USE1: variants seen among roughly 807,000 people sequenced by gnomAD.
USE1 encodes unconventional SNARE in the ER 1.
In USE1, 32 loss-of-function variants were observed where a neutral mutation model predicts 37.6. The ratio of observed to expected loss-of-function variants is 0.85; its 90% CI spans 0.64 to 1.14. The LOEUF (loss-of-function observed/expected upper bound fraction) is 1.14. Among genes scored for constraint, USE1 ranks in the 50% most tolerant of loss-of-function variants. USE1 has a pLI of 0.00. For synonymous variants in USE1, 149 were observed against 137.6 expected (o/e 1.08, Z -0.58); for missense variants, 310 against 332.2 (o/e 0.93, Z 0.52).
intron 7 of USE1, 108 bp downstream of exon 7, chr19:17,219,495 T>C (rs2073312277): frequency 7.0e-7 from 1 of 1,438,466 alleles, no homozygotes. Context: ...AGGAGTTTCG[T>C]AGAAGGCAAA....
intron 5 of USE1, chr19:17,218,028 G>C: frequency 2.8e-6 from 1 of 358,032 alleles, no homozygotes; most frequent in South Asian, 2.4e-5. Context: ...AGGTTGCAGT[G>C]AGCTGAGATT....
In USE1 at chr19:17,215,427, C is replaced by A; in HGVS notation, c.22C>A (p.Leu8Ile). Reference sequence around the variant, plus strand: ...GATAATGGCGGCGTCGAGGCTGGAGCTAAACCTGGTGCGGCTGCTATCCCG... The same window carrying A: ...GATAATGGCGGCGTCGAGGCTGGAGATAAACCTGGTGCGGCTGCTATCCCG... Reference protein sequence around the residue: MAASRLELNLVRLLSRCE... With the variant: MAASRLEINLVRLLSRCE... Residue 8 changes from leucine (L) to isoleucine (I), a missense_variant, in exon 1 of 8, where the codon CTA (leucine) becomes ATA (isoleucine). Physicochemically the swap from Leu to Ile is conservative, Grantham distance 5. Coordinates refer to ENST00000263897, the MANE Select transcript of USE1 (RefSeq NM_018467.4). 1 of 1,561,264 alleles carries A rather than the reference C, an allele frequency of 6.4e-7. No individual in the cohort carries two copies. The highest frequency in any genetic ancestry group is 8.7e-7 in the Non-Finnish European group (1 of 1,154,184).
chr19:17,219,184 T>C (rs746321245), intron 6 of USE1, 29 bp from the exon 7 acceptor site: 1 of 1,597,214 alleles, frequency 6.3e-7, no homozygotes, highest in East Asian at 2.2e-5. Flanking sequence ...CCATCTCTCA[T>C]GTCCTCCTCC....
At chr19:17,218,490 AG>A in intron 6 of USE1, 99 bp downstream of exon 6, 2 of 1,525,350 alleles carry the variant, frequency 1.3e-6, no homozygotes, top group South Asian at 2.3e-5. Context: ...CACTACCACA[AG>A]GATCTAAACC....
intron 1 of USE1, 102 bp from the exon 2 acceptor site, chr19:17,215,700 C>T (rs1194314831): frequency 4.4e-6 from 5 of 1,127,574 alleles, no homozygotes; most frequent in Non-Finnish European, 5.1e-6. Context: ...GGCCCCGCCT[C>T]CTTTACGCTT....
rs1474397911 is a variant in USE1, at chr19:17,219,819, C to A, written c.*6C>A. 6.3e-7 allele frequency: 1 copy of A among 1,577,130 alleles called. No homozygotes were observed. Among genetic ancestry groups the A allele is most frequent in the Non-Finnish European group, 8.6e-7 (1 of 1,159,748 alleles). On this transcript the variant is annotated 3_prime_UTR_variant, in exon 8 of 8. Coordinates refer to ENST00000263897, the MANE Select transcript of USE1 (RefSeq NM_018467.4). ...TCATGCCTAAACTCAAATAAAGACC[C>A]CCGCCCACCTTGTCTGTCTTCCGTC...
intron 1 of USE1, 122 bp downstream of exon 1, chr19:17,215,629 G>C (rs982975076): frequency 1.8e-5 from 25 of 1,353,648 alleles, no homozygotes; most frequent in Admixed American, 1.0e-4. Context: ...TTTCCGGTCA[G>C]TCCCGCCACG....
intron 4 of USE1, 54 bp downstream of exon 4, chr19:17,216,375 A>T (rs753871124): frequency 1.3e-6 from 2 of 1,586,320 alleles, no homozygotes; most frequent in Admixed American, 1.7e-5. Context: ...TAGGGGTTCT[A>T]TGCTTGTAGG....
rs568959080 is a variant in USE1, at chr19:17,219,399, G to C, written c.597+12G>C. Reference sequence around the variant, plus strand: ...AGAAGGACAACCAGGTGTGGGGACTGGGGGAGCTCTCCAGCCTCTGCCCTG... The same window carrying C: ...AGAAGGACAACCAGGTGTGGGGACTCGGGGAGCTCTCCAGCCTCTGCCCTG... On this transcript the variant is annotated intron_variant, in intron 7 of 7. Coordinates refer to ENST00000263897, the MANE Select transcript of USE1 (RefSeq NM_018467.4). 3 of 1,548,898 alleles carry C rather than the reference G, an allele frequency of 1.9e-6. No homozygotes were observed. The highest frequency in any genetic ancestry group is 2.4e-5 in the South Asian group (2 of 84,200).
chr19:17,219,499 A>C, intron 7 of USE1, 112 bp downstream of exon 7: 1 of 1,437,396 alleles, frequency 7.0e-7, no homozygotes, highest in South Asian at 1.4e-5. Flanking sequence ...GTTTCGTAGA[A>C]GGCAAAAATG....
rs1599438900 is a variant in USE1 at position 17,216,151 on chromosome 19, C to T, written c.232-18C>T. 2 of 1,613,216 alleles carry T rather than the reference C, an allele frequency of 1.2e-6. No homozygotes were observed. Among genetic ancestry groups the T allele is most frequent in the Non-Finnish European group, 1.7e-6 (2 of 1,179,708 alleles). ...AGGACCTGCCCCTCCAGTGACTTAT[C>T]TTCCCACATTTCTGCAGACCTCCTC... On this transcript the variant is annotated intron_variant, in intron 3 of 7. Coordinates refer to ENST00000263897, the MANE Select transcript of USE1 (RefSeq NM_018467.4).
At chr19:17,215,699 T>A in intron 1 of USE1, 103 bp from the exon 2 acceptor site, 2 of 457,938 alleles carry the variant, frequency 4.4e-6, no homozygotes, top group Non-Finnish European at 6.3e-6. Context: ...TGGCCCCGCC[T>A]CCTTTACGCT....
At chr19:17,217,773 G>A in intron 5 of USE1, 1 of 433,064 alleles carries the variant, frequency 2.3e-6, no homozygotes, top group South Asian at 1.7e-5. Flanking sequence ...TTAGCCGGAT[G>A]CAGTGCCACG....
intron 5 of USE1, 66 bp from the exon 6 acceptor site, chr19:17,218,298 A>G (rs568313570): frequency 3.5e-5 from 56 of 1,607,482 alleles, no homozygotes; most frequent in South Asian, 5.5e-5. Flanking sequence ...AGCACAGGCA[A>G]TGCTCAGGAT....
chr19:17,218,354 T>G lies in USE1; in HGVS notation c.395-10T>G, dbSNP rs1234445385. ...ACTCGCCTTTTTTGCTTGGCCTGTTTTGCTTTCAGAGCCTGAGATGGACGT... is the reference window on the plus strand; with the variant it reads ...ACTCGCCTTTTTTGCTTGGCCTGTTGTGCTTTCAGAGCCTGAGATGGACGT... On this transcript the variant is annotated splice_polypyrimidine_tract_variant and intron_variant, in intron 5 of 7. Coordinates refer to ENST00000263897, the MANE Select transcript of USE1 (RefSeq NM_018467.4). 6.2e-7 allele frequency: 1 copy of G among 1,613,376 alleles called. No individual in the cohort carries two copies. Among genetic ancestry groups the G allele is most frequent in the African/African-American group, 1.3e-5 (1 of 74,834 alleles).
At chr19:17,216,492 G>A (rs1218172822) in intron 4 of USE1, among the ~76,000 whole-genome samples, 171 bp downstream of exon 4, 1 of 152,186 alleles carries the variant, frequency 6.6e-6, no homozygotes, top group African/African-American at 2.4e-5. Flanking sequence ...TTGTGGCTAA[G>A]GCTTTGCTAG....
intron 6 of USE1, 63 bp downstream of exon 6, chr19:17,218,454 A>G (rs2073303938): frequency 6.2e-6 from 10 of 1,607,242 alleles, no homozygotes; most frequent in Non-Finnish European, 8.5e-6. Context: ...ACGGGGTAGC[A>G]GTGGCCAAAC....
chr19:17,215,799 C>T lies in USE1; in HGVS notation c.103-3C>T, dbSNP rs775091783. On this transcript the variant is annotated splice_region_variant and splice_polypyrimidine_tract_variant and intron_variant, in intron 1 of 7. Coordinates refer to ENST00000263897, the MANE Select transcript of USE1 (RefSeq NM_018467.4). ...CGGGTGACAATCCACTTTTCCTCCCCAGTACGTGGGAGCCCTAGAGGACAT... is the reference window on the plus strand; with the variant it reads ...CGGGTGACAATCCACTTTTCCTCCCTAGTACGTGGGAGCCCTAGAGGACAT... The T allele has an allele frequency of 6.2e-7, 1 of 1,610,062 alleles. No homozygotes were observed. Among genetic ancestry groups the T allele is most frequent in the East Asian group, 2.2e-5 (1 of 44,716 alleles).
intron 1 of USE1, 49 bp from the exon 2 acceptor site, chr19:17,215,748 CATGAT>C: frequency 2.0e-6 from 3 of 1,487,300 alleles, no homozygotes; most frequent in Non-Finnish European, 2.8e-6. Context: ...CCCCGACTCC[CATGAT>C]CAGGACATGG....
Sources: gnomAD v4.1 joint callset for allele counts (sites outside exome capture counted in the v4.1 genomes callset) on GRCh38, gnomAD v4.1.1 for gene constraint, MANE v1.5 for transcripts, NCBI Gene and HGNC (gene_info 2026-07-23, HGNC 2026-07-21) for gene names.